Variants in MAP3K13 observed in about 807,000 individuals in gnomAD.
MAP3K13 encodes the protein leucine zipper-bearing kinase.
A neutral mutation model predicts 104.0 loss-of-function variants in MAP3K13; 52 were observed. The ratio of observed to expected loss-of-function variants is 0.50; its 90% confidence interval spans 0.40 to 0.63. MAP3K13 has a LOEUF of 0.63. Among genes scored for constraint, MAP3K13 ranks in the 20% least tolerant of loss-of-function variants. The pLI is 0.00. For missense variants in MAP3K13, 914 were observed against 1,218.5 expected (o/e 0.75, Z 3.72); for synonymous variants, 394 against 442.2 (o/e 0.89, Z 1.37).
chr3:185,312,636 A>G (rs527507606), intron 2 of MAP3K13, among the ~76,000 whole-genome samples: 4 of 152,354 alleles, frequency 2.6e-5, no homozygotes, highest in African/African-American at 9.6e-5. Context: ...ATTATATATG[A>G]GATATCAATT....
At chr3:185,312,411 T>C (rs1721525737) in intron 2 of MAP3K13, among the ~76,000 whole-genome samples, 1 of 152,230 alleles carries the variant, frequency 6.6e-6, no homozygotes, top group Non-Finnish European at 1.5e-5. Context: ...TGGACAGAAA[T>C]TGGGGATTAC....
chr3:185,352,982 A>C lies in MAP3K13; in HGVS notation c.-86+67339A>C, dbSNP rs550242636. ...CTTGAGGTAAAGATATTACTATCCT[A>C]TCTTGAGGTAGTACAATTACACGTA... On this transcript the variant is annotated intron_variant, in intron 2 of 14. Coordinates refer to the MAP3K13 transcript ENST00000424227. Among the ~76,000 whole-genome samples, 3 of 152,372 alleles carry C rather than the reference A, an allele frequency of 2.0e-5. No homozygotes were observed. The South Asian group carries it at 6.2e-4, about 32-fold the overall frequency.
chr3:185,474,757 A>G (rs970561777), intron 11 of MAP3K13, among the ~76,000 whole-genome samples: 12 of 152,136 alleles, frequency 7.9e-5, no homozygotes, highest in African/African-American at 2.9e-4. Context: ...AGACTACCAT[A>G]GCAGTTAAGA....
intron 4 of MAP3K13, among the ~76,000 whole-genome samples, chr3:185,447,452 C>G (rs1319201382): frequency 7.2e-6 from 1 of 138,218 alleles, no homozygotes. Context: ...TGAGATCGTG[C>G]CATTGCACTC....
At chr3:185,436,085 C>G (rs1431472054) in intron 2 of MAP3K13, among the ~76,000 whole-genome samples, 1 of 152,088 alleles carries the variant, frequency 6.6e-6, no homozygotes, top group Admixed American at 6.5e-5. Flanking sequence ...AAAGGAGAAG[C>G]CTCAATGGAT....
intron 1 of MAP3K13, among the ~76,000 whole-genome samples, chr3:185,420,712 C>A (rs771088166): frequency 5.9e-5 from 9 of 152,130 alleles, no homozygotes; most frequent in Non-Finnish European, 1.0e-4. Context: ...TGTCCAAAAT[C>A]TTTGATTTAT....
Position 185,480,314 on chromosome 3 carries a change from A to C in MAP3K13, c.2584A>C (p.Asn862His). 1.2e-6 allele frequency: 2 copies of C among 1,614,226 alleles called. No individual in the cohort carries two copies. The highest frequency in any genetic ancestry group is 1.7e-6 in the Non-Finnish European group (2 of 1,180,046). ...CTCTGTGTCTGATGGAGAAGAGGGAAATACCAGTGACCACTCAAACAGTCC... is the reference window on the plus strand; with the variant it reads ...CTCTGTGTCTGATGGAGAAGAGGGACATACCAGTGACCACTCAAACAGTCC... ...NFSVSDGEEG[N>H]TSDHSNSPDE... Residue 862 changes from asparagine (N) to histidine (H), a missense_variant, in exon 13 of 14, where the codon AAT becomes CAT. Around this residue, in one of 3 missense-constraint regions of MAP3K13, gnomAD observed 583 missense variants for 737.4 expected, o/e 0.79. Coordinates refer to ENST00000265026, the MANE Select transcript of MAP3K13 (RefSeq NM_004721.5).
chr3:185,399,479 G>A (rs942302278), intron 1 of MAP3K13, among the ~76,000 whole-genome samples: 2 of 151,374 alleles, frequency 1.3e-5, no homozygotes, highest in African/African-American at 2.4e-5. Flanking sequence ...GTGGTGGCAC[G>A]TGCCTGTAAT....
chr3:185,343,437 C>T (rs1244154886), intron 2 of MAP3K13, among the ~76,000 whole-genome samples: 1 of 152,088 alleles, frequency 6.6e-6, no homozygotes, highest in African/African-American at 2.4e-5. Flanking sequence ...AAACGGACGA[C>T]TCTCAGCAGG....
chr3:185,391,310 T>A (rs768013541), intron 1 of MAP3K13, among the ~76,000 whole-genome samples: 1 of 152,176 alleles, frequency 6.6e-6, no homozygotes, highest in Non-Finnish European at 1.5e-5. Context: ...CACATATAAA[T>A]GAAATCATAC....
intron 1 of MAP3K13, among the ~76,000 whole-genome samples, chr3:185,389,559 TA>T (rs918127719): frequency 1.3e-5 from 2 of 151,690 alleles, no homozygotes; most frequent in African/African-American, 2.4e-5. Context: ...AATTTTTTTT[TA>T]AAAAAAGATA....
chr3:185,475,406 A>T (rs1430183104), intron 11 of MAP3K13, among the ~76,000 whole-genome samples: 1 of 152,174 alleles, frequency 6.6e-6, no homozygotes, highest in African/African-American at 2.4e-5. Flanking sequence ...TAGCTGAAGG[A>T]ATGAAAGGGT....
intron 2 of MAP3K13, among the ~76,000 whole-genome samples, chr3:185,436,498 T>G (rs1455363491): frequency 6.6e-6 from 1 of 152,194 alleles, no homozygotes; most frequent in Admixed American, 6.5e-5. Flanking sequence ...TTATATGATT[T>G]TAGGAGAATT....
chr3:185,409,263 G>A (rs374041717), intron 1 of MAP3K13, among the ~76,000 whole-genome samples: 143 of 152,316 alleles, frequency 9.4e-4, no homozygotes, highest in African/African-American at 3.2e-3. Context: ...AGCTACTTGG[G>A]AGTCTGAGGC....
chr3:185,394,245 C>G (rs566051569), intron 1 of MAP3K13, among the ~76,000 whole-genome samples: 1 of 152,242 alleles, frequency 6.6e-6, no homozygotes, highest in African/African-American at 2.4e-5. Context: ...CAGTAGTCCT[C>G]TGATTCACAG....
chr3:185,415,433 C>T (rs1050058474), intron 1 of MAP3K13, among the ~76,000 whole-genome samples: 13 of 152,132 alleles, frequency 8.5e-5, no homozygotes, highest in Admixed American at 2.0e-4. Context: ...GCTGGGATTA[C>T]AGGTATGAGC....
intron 2 of MAP3K13, among the ~76,000 whole-genome samples, chr3:185,344,314 A>G (rs548534880): frequency 6.6e-6 from 1 of 152,156 alleles, no homozygotes; most frequent in Non-Finnish European, 1.5e-5. Flanking sequence ...TTTGAAAAGG[A>G]GAGACATGGA....
At chr3:185,375,690 C>T (rs1423954477) in intron 1 of MAP3K13, among the ~76,000 whole-genome samples, 1 of 152,142 alleles carries the variant, frequency 6.6e-6, no homozygotes, top group African/African-American at 2.4e-5. Context: ...GCTATCTTAT[C>T]AGCATAAGCA....
chr3:185,438,688 G>A (rs1031997662), intron 3 of MAP3K13, among the ~76,000 whole-genome samples: 2 of 152,190 alleles, frequency 1.3e-5, no homozygotes, highest in Non-Finnish European at 2.9e-5. Context: ...TGGAAGTGCT[G>A]AGCTCTAAAT....
Sources: gnomAD v4.1 joint callset for allele counts (sites outside exome capture counted in the v4.1 genomes callset) on GRCh38, gnomAD v4.1.1 for gene constraint, gnomAD v4.1.1 regional missense constraint, MANE v1.5 for transcripts, NCBI Gene and HGNC (gene_info 2026-07-23, HGNC 2026-07-21) for gene names.